The following PCDHGB7 variants were observed in gnomAD, a reference collection of about 807,000 sequenced individuals.
PCDHGB7 encodes protocadherin gamma-B7.
In PCDHGB7, 37 loss-of-function variants were observed where a neutral mutation model predicts 61.4. The ratio of observed to expected loss-of-function variants is 0.60; its 90% CI spans 0.46 to 0.79. The LOEUF is 0.79. Among genes scored for constraint, PCDHGB7 ranks in the 30% least tolerant of loss-of-function variants. PCDHGB7 has a pLI of 0.00. For missense variants in PCDHGB7, 1,166 were observed against 1,202.5 expected (o/e 0.97, Z 0.45); for synonymous variants, 464 against 503.5 (o/e 0.92, Z 1.05).
At chr5:141,501,600 C>G (rs1320824291) in intron 2 of PCDHGB7, among the ~76,000 whole-genome samples, 1 of 152,040 alleles carries the variant, frequency 6.6e-6, no homozygotes, top group Admixed American at 6.6e-5. Flanking sequence ...TCTACCAGTT[C>G]CAGCTGTGTG....
intron 2 of PCDHGB7, among the ~76,000 whole-genome samples, chr5:141,500,695 T>G (rs1214079801): frequency 1.3e-5 from 2 of 152,214 alleles, no homozygotes; most frequent in Admixed American, 6.5e-5. Flanking sequence ...TTTTTCTTCT[T>G]TGCAGTGTAT....
chr5:141,511,062 C>T lies in PCDHGB7; in HGVS notation c.2679C>T (p.Tyr893=), dbSNP rs775583963. The change falls in exon 4 of 4, where the codon TAC becomes TAT. Residue 893 remains tyrosine, a synonymous_variant. Transcript: ENST00000398594. ...TGCCCGACTACCGCCAGAATGTCTACATCCCAGGCAGCAATGCCACACTGA... is the reference window on the plus strand; with the variant it reads ...TGCCCGACTACCGCCAGAATGTCTATATCCCAGGCAGCAATGCCACACTGA... ...QHVPDYRQNV[Y]IPGSNATLTN... The T allele has an allele frequency of 6.2e-7, 1 of 1,614,246 alleles. No homozygotes were observed. The highest frequency in any genetic ancestry group is 1.3e-5 in the African/African-American group (1 of 75,064).
intron 1 of PCDHGB7, among the ~76,000 whole-genome samples, chr5:141,461,764 C>T (rs1005862192): frequency 6.6e-6 from 1 of 152,118 alleles, no homozygotes; most frequent in East Asian, 1.9e-4. Context: ...AGCGATTCTC[C>T]TGCCTCAGCC....
chr5:141,499,037 G>A (rs912832519), intron 2 of PCDHGB7, among the ~76,000 whole-genome samples: 1 of 150,904 alleles, frequency 6.6e-6, no homozygotes, highest in South Asian at 2.1e-4. Context: ...AGAAAAGAAA[G>A]AAAAAGGGAG....
Position 141,487,397 on chromosome 5 carries a change from G to A in PCDHGB7, c.2416-7410G>A. 1 of 1,614,062 alleles carries A rather than the reference G, an allele frequency of 6.2e-7. No homozygotes were observed. Among genetic ancestry groups the A allele is most frequent in the Middle Eastern group, 1.6e-4 (1 of 6,062 alleles). Reference sequence around the variant, plus strand: ...TCTCACCAGATCTCGAAGGAGGGAGGGGCTTCCCCCTTCCAATGGGATCCT... The same window carrying A: ...TCTCACCAGATCTCGAAGGAGGGAGAGGCTTCCCCCTTCCAATGGGATCCT... On this transcript the variant is annotated intron_variant, in intron 1 of 3. Coordinates refer to ENST00000398594, the MANE Select transcript of PCDHGB7 (RefSeq NM_018927.4). This position sits in a 1 kb window ranked among gnomAD's most constrained non-coding sequence, Gnocchi z 5.0.
intron 1 of PCDHGB7, among the ~76,000 whole-genome samples, chr5:141,466,021 G>A (rs2099115061): frequency 6.6e-6 from 1 of 151,934 alleles, no homozygotes; most frequent in Admixed American, 6.6e-5. Flanking sequence ...ACTCGGGAGG[G>A]TGAGGCAGGA....
chr5:141,504,379 G>A lies in PCDHGB7; in HGVS notation c.2475-1014G>A, dbSNP rs181617363. On this transcript the variant is annotated intron_variant, in intron 2 of 3. Transcript: ENST00000398594. ...GCTTCAGTAGGAAGCAGGTGGAGTC[G>A]CTGCCTCACAGAAGCCAGTGTGGTG... Among the ~76,000 whole-genome samples the A allele has an allele frequency of 2.4e-3, 361 of 152,206 alleles. 1 individual carries two copies. The highest frequency in any genetic ancestry group is 0.021 in the Admixed American group (315 of 15,286).
In PCDHGB7 at chr5:141,423,241, G is replaced by T. The variant is rs1485226833; in HGVS notation, c.2415+2967G>T. The T allele has an allele frequency of 6.8e-6, 11 of 1,613,836 alleles. No individual in the cohort carries two copies. The Admixed American group carries it at 1.5e-4, about 22-fold the overall frequency. On this transcript the variant is annotated intron_variant, in intron 1 of 3. Transcript: ENST00000398594. ...GGCTGTGGCCGACAGCATCCCCGAAGTCCTGGCGGACCTCGGCAGCCTCGA... is the reference window on the plus strand; with the variant it reads ...GGCTGTGGCCGACAGCATCCCCGAATTCCTGGCGGACCTCGGCAGCCTCGA...
chr5:141,499,689 CTTTTTTTTT>C (rs545067566), intron 2 of PCDHGB7, among the ~76,000 whole-genome samples: 2 of 119,856 alleles, frequency 1.7e-5, no homozygotes, highest in African/African-American at 6.2e-5. Flanking sequence ...TAACAGATGA[CTTTTTTTTT>C]TTTTTTTTTT....
chr5:141,429,105 C>A (rs936114624), intron 1 of PCDHGB7: 2 of 152,318 alleles, frequency 1.3e-5, no homozygotes, highest in African/African-American at 4.8e-5. Flanking sequence ...CTGCCCGCCT[C>A]GGCCTCCCAA....
chr5:141,505,960 G>A (rs2099849410), intron 3 of PCDHGB7, among the ~76,000 whole-genome samples: 1 of 152,202 alleles, frequency 6.6e-6, no homozygotes, highest in Non-Finnish European at 1.5e-5. Context: ...AGTGGGTGTA[G>A]AAATCCCCAG....
At chr5:141,427,825 C>T (rs1342117815) in intron 1 of PCDHGB7, 2 of 1,536,464 alleles carry the variant, frequency 1.3e-6, no homozygotes, top group Non-Finnish European at 1.8e-6. Flanking sequence ...GTGGTGGTCG[C>T]GCAGCGTGCC....
chr5:141,505,341 A>T, intron 2 of PCDHGB7, 52 bp from the exon 3 acceptor site: 1 of 1,612,728 alleles, frequency 6.2e-7, no homozygotes, highest in Non-Finnish European at 8.5e-7. Flanking sequence ...CAGGAGGGGC[A>T]TGAGCTGTGC....
intron 1 of PCDHGB7, among the ~76,000 whole-genome samples, chr5:141,449,708 A>G (rs2098652470): frequency 6.6e-6 from 1 of 151,418 alleles, no homozygotes; most frequent in African/African-American, 2.4e-5. Context: ...CAAACACATT[A>G]TTTTTATATG....
rs374575981 is a variant in PCDHGB7 at position 141,419,395 on chromosome 5, G to T, written c.1536G>T (p.Gly512=). The change falls in exon 1 of 4, where the codon GGG becomes GGT. Residue 512 remains glycine, a synonymous_variant. Coordinates refer to ENST00000398594, the MANE Select transcript of PCDHGB7 (RefSeq NM_018927.4). ...SSYVSVSAQS[G]VVFAQRAFDH... is the part of the protein sequence containing the mutation. Reference sequence around the variant, plus strand: ...ACGTGTCCGTGAGCGCGCAGAGCGGGGTGGTGTTCGCGCAGCGCGCCTTCG... The same window carrying T: ...ACGTGTCCGTGAGCGCGCAGAGCGGTGTGGTGTTCGCGCAGCGCGCCTTCG... 3.1e-5 allele frequency: 50 copies of T among 1,613,478 alleles called. No homozygotes were observed. The highest frequency in any genetic ancestry group is 4.0e-5 in the Non-Finnish European group (47 of 1,179,912).
intron 2 of PCDHGB7, among the ~76,000 whole-genome samples, chr5:141,500,189 TTTATTTA>T (rs1562193869): frequency 4.5e-5 from 5 of 110,894 alleles, no homozygotes; most frequent in African/African-American, 1.8e-4. Context: ...TTTATTTTTA[TTTATTTA>T]TTTATTTATT....
intron 1 of PCDHGB7, chr5:141,430,711 C>T (rs2097304226): frequency 1.3e-6 from 2 of 1,483,856 alleles, no homozygotes; most frequent in African/African-American, 2.8e-5. Context: ...CTGCTCCTGA[C>T]TTCAGTGGTT....
chr5:141,472,009 G>A (rs917861040), intron 1 of PCDHGB7, among the ~76,000 whole-genome samples: 11 of 152,074 alleles, frequency 7.2e-5, no homozygotes, highest in African/African-American at 2.7e-4. Flanking sequence ...TCGTATAGGG[G>A]CACTATATTG....
rs2099710385 is a variant in PCDHGB7 at position 141,491,296 on chromosome 5, G to A, written c.2416-3511G>A. 6.2e-7 allele frequency: 1 copy of A among 1,614,034 alleles called. No individual in the cohort carries two copies. Among genetic ancestry groups the A allele is most frequent in the African/African-American group, 1.3e-5 (1 of 74,924 alleles). Reference sequence around the variant, plus strand: ...CAGTGACTTCCTCATACACCCTCCTGAGCGTTCAGACCTTACCCTTTACCT... The same window carrying A: ...CAGTGACTTCCTCATACACCCTCCTAAGCGTTCAGACCTTACCCTTTACCT... On this transcript the variant is annotated intron_variant, in intron 1 of 3. Transcript: ENST00000398594. The surrounding 1 kb of genome is among the most constrained non-coding windows in gnomAD (Gnocchi z 6.9).
Sources: gnomAD v4.1 joint callset for allele counts (sites outside exome capture counted in the v4.1 genomes callset) on GRCh38, gnomAD v4.1.1 for gene constraint, Gnocchi (gnomAD v3.1) non-coding constraint, MANE v1.5 for transcripts, NCBI Gene and HGNC (gene_info 2026-07-23, HGNC 2026-07-21) for gene names.